Variants in AP2A2 observed in about 807,000 individuals in gnomAD.
The protein encoded by AP2A2 is AP-2 complex subunit alpha-2.
AP2A2 carries 32 observed loss-of-function variants against 104.2 expected under a neutral mutation model. That is an observed-to-expected ratio of 0.31 (90% CI 0.23 to 0.41). The LOEUF (loss-of-function observed/expected upper bound fraction) is 0.41, where lower values mean the gene tolerates loss of function less well. AP2A2 is among the 10% of genes least tolerant of loss of function. The pLI is 1.00. For synonymous variants in AP2A2, 539 were observed against 533.3 expected (o/e 1.01, Z -0.15); for missense variants, 912 against 1,261.0 (o/e 0.72, Z 4.19).
chr11:954,256 T>TTGGATTCCCACCTCACG (rs1185662910), intron 1 of AP2A2, among the ~76,000 whole-genome samples: 2 of 152,164 alleles, frequency 1.3e-5, no homozygotes, highest in Non-Finnish European at 2.9e-5. Flanking sequence ...CCCACCTCAC[T>TTGGATTCCCACCTCACG]TGGATTCCCA....
chr11:955,579 C>T (rs1343617865), intron 1 of AP2A2, among the ~76,000 whole-genome samples: 1 of 152,160 alleles, frequency 6.6e-6, no homozygotes, highest in African/African-American at 2.4e-5. Flanking sequence ...TTAAAGGTCC[C>T]CTGAGGGCAG....
chr11:997,022 A>G (rs1377223535), intron 14 of AP2A2, among the ~76,000 whole-genome samples: 1 of 152,026 alleles, frequency 6.6e-6, no homozygotes, highest in Non-Finnish European at 1.5e-5. Flanking sequence ...AGCCCCAGTG[A>G]GAGGCCCCTC....
chr11:999,465 C>G (rs1855958294), intron 14 of AP2A2, among the ~76,000 whole-genome samples: 1 of 152,130 alleles, frequency 6.6e-6, no homozygotes, highest in African/African-American at 2.4e-5. Context: ...CACCAGTGCA[C>G]TCCAGCCTGG....
At chr11:988,478 C>G in intron 9 of AP2A2, 74 bp from the exon 10 acceptor site, 1 of 1,557,172 alleles carries the variant, frequency 6.4e-7, no homozygotes, top group Admixed American at 1.7e-5. Flanking sequence ...ATGCGGGTGC[C>G]GAGCCTGTCC....
Position 925,908 on chromosome 11 carries a change from G to A in AP2A2, c.-114G>A, listed in dbSNP as rs2034680598. The A allele has an allele frequency of 3.8e-6, 3 of 784,830 alleles. No individual in the cohort carries two copies. The highest frequency in any genetic ancestry group is 4.5e-5 in the Admixed American group (1 of 22,146). 48.6% of individuals were successfully genotyped at this position (784,830 alleles called of 1,614,324 possible). On this transcript the variant is annotated 5_prime_UTR_variant, in exon 1 of 22. Coordinates refer to ENST00000448903, the MANE Select transcript of AP2A2 (RefSeq NM_012305.4). Reference sequence around the variant, plus strand: ...GGGACCCTGAGGCGGCCGTGGTTAGGCGGCTCCCCGGCGGCTCCTCCGCGG... The same window carrying A: ...GGGACCCTGAGGCGGCCGTGGTTAGACGGCTCCCCGGCGGCTCCTCCGCGG...
intron 17 of AP2A2, 200 bp from the exon 18 acceptor site, chr11:1,007,812 G>A: frequency 1.5e-6 from 1 of 665,654 alleles, no homozygotes; most frequent in Non-Finnish European, 2.5e-6. Context: ...CATTCTGGAA[G>A]CGTGAGAAGC....
chr11:993,372 C>A lies in AP2A2; in HGVS notation c.1541C>A (p.Pro514Gln). The A allele has an allele frequency of 6.2e-7, 1 of 1,610,070 alleles. No individual in the cohort carries two copies. Among genetic ancestry groups the A allele is most frequent in the Non-Finnish European group, 8.5e-7 (1 of 1,178,716 alleles). Residue 514 changes from proline (P) to glutamine (Q), a missense_variant, in exon 12 of 22, where the codon CCG (proline) becomes CAG (glutamine). Around this residue, in one of 7 missense-constraint regions of AP2A2, gnomAD observed 137 missense variants for 186.9 expected, o/e 0.73. Transcript: ENST00000448903. This position sits in a 1 kb window ranked among gnomAD's most constrained non-coding sequence, Gnocchi z 8.2. Reference sequence around the variant, plus strand: ...TTTGGAAACTTGATAGCTGGAGACCCGAGATCCAGGTGAGAGGCCCTTTGC... The same window carrying A: ...TTTGGAAACTTGATAGCTGGAGACCAGAGATCCAGGTGAGAGGCCCTTTGC... ...GEFGNLIAGD[P>Q]RSSPLIQFHL... is the part of the protein sequence containing the mutation.
intron 1 of AP2A2, chr11:946,334 T>G (rs1431970958): frequency 6.6e-6 from 1 of 152,184 alleles, no homozygotes. Flanking sequence ...CCTCAGCAAG[T>G]CCCGGCTGCA....
chr11:983,538 A>G (rs567010250), intron 6 of AP2A2, among the ~76,000 whole-genome samples: 20 of 151,794 alleles, frequency 1.3e-4, no homozygotes, highest in African/African-American at 3.6e-4. Flanking sequence ...GCCCGCCACC[A>G]TGCCTGGCTA....
intron 8 of AP2A2, 81 bp from the exon 9 acceptor site, chr11:986,704 C>T: frequency 6.7e-7 from 1 of 1,500,330 alleles, no homozygotes; most frequent in South Asian, 1.3e-5. Context: ...GCCATCTGGA[C>T]CCGTCGGGGA....
At chr11:954,746 T>A (rs1335612750) in intron 1 of AP2A2, among the ~76,000 whole-genome samples, 1 of 152,132 alleles carries the variant, frequency 6.6e-6, no homozygotes, top group Non-Finnish European at 1.5e-5. Context: ...TGTATTTGTG[T>A]GTGTGTGTGT....
chr11:926,111 G>A, intron 1 of AP2A2, 23 bp downstream of exon 1: 1 of 1,257,594 alleles, frequency 8.0e-7, no homozygotes. Context: ...GGCGGCGTGG[G>A]GCCGGGGCCG....
chr11:968,005 T>A lies in AP2A2; in HGVS notation c.137-2164T>A, dbSNP rs184607754. Among the ~76,000 whole-genome samples the A allele has an allele frequency of 1.8e-4, 28 of 152,222 alleles. No homozygotes were observed. The highest frequency in any genetic ancestry group is 6.3e-4 in the African/African-American group (26 of 41,556). ...TGGGTCCTTTCAGGAGGGATAAACT[T>A]CACAGTGGCACCTGCCAGGGGAGCT... is the stretch of plus-strand genomic sequence containing the variant. On this transcript the variant is annotated intron_variant, in intron 2 of 21. Transcript: ENST00000448903. This position sits in a 1 kb window ranked among gnomAD's most constrained non-coding sequence, Gnocchi z 4.2.
At chr11:955,118 A>T (rs1008153890) in intron 1 of AP2A2, among the ~76,000 whole-genome samples, 15 of 152,256 alleles carry the variant, frequency 9.9e-5, no homozygotes, top group African/African-American at 2.9e-4. Context: ...CCAGGGAGAG[A>T]GCGCAAGGTC....
Position 1,008,119 on chromosome 11 carries a change from C to A in AP2A2, c.2404C>A (p.Leu802Ile). Residue 802 changes from leucine to isoleucine, a missense_variant, in exon 18 of 22, where the codon CTC becomes ATC. Coordinates refer to ENST00000448903, the MANE Select transcript of AP2A2 (RefSeq NM_012305.4). ...GTCCGACTTCACGGAGGCGCCAGTC[C>A]TCAACATTCAGTTCAGGTAAGAGCC... Reference protein sequence around the residue: ...CVSDFTEAPVLNIQFRYGGTF... With the variant: ...CVSDFTEAPVINIQFRYGGTF... The A allele has an allele frequency of 6.2e-7, 1 of 1,607,450 alleles. No individual in the cohort carries two copies. The highest frequency in any genetic ancestry group is 1.1e-5 in the South Asian group (1 of 89,872).
At chr11:952,870 G>C (rs999779446) in intron 1 of AP2A2, among the ~76,000 whole-genome samples, 1 of 152,190 alleles carries the variant, frequency 6.6e-6, no homozygotes, top group African/African-American at 2.4e-5. Context: ...CGGTGGGGTG[G>C]TTGAAGTCCT....
At chr11:965,998 G>A (rs1049628271) in intron 2 of AP2A2, among the ~76,000 whole-genome samples, 7 of 152,092 alleles carry the variant, frequency 4.6e-5, no homozygotes, top group African/African-American at 1.7e-4. Context: ...GCACCACCAC[G>A]CCCAGCAAAT....
rs183279506 is a variant in AP2A2, at chr11:972,677, G to C, written c.473+422G>C. Among the ~76,000 whole-genome samples the C allele has an allele frequency of 1.4e-4, 21 of 152,358 alleles. 1 individual carries two copies. The East Asian group carries it at 3.7e-3, about 27-fold the overall frequency. On this transcript the variant is annotated intron_variant, in intron 4 of 21. Coordinates refer to ENST00000448903, the MANE Select transcript of AP2A2 (RefSeq NM_012305.4). ...ATGCCTTGGAGACTCCAGCCTGGGCGACAGAGCGAGACCCTGTCTCCAAAG... is the reference window on the plus strand; with the variant it reads ...ATGCCTTGGAGACTCCAGCCTGGGCCACAGAGCGAGACCCTGTCTCCAAAG...
intron 1 of AP2A2, among the ~76,000 whole-genome samples, chr11:942,854 G>A (rs1853702147): frequency 6.6e-6 from 1 of 152,158 alleles, no homozygotes; most frequent in Non-Finnish European, 1.5e-5. Context: ...GAAGCTGCCT[G>A]GGACCAGCCT....
Sources: gnomAD v4.1 joint callset for allele counts (sites outside exome capture counted in the v4.1 genomes callset) on GRCh38, gnomAD v4.1.1 for gene constraint, gnomAD v4.1.1 regional missense constraint, Gnocchi (gnomAD v3.1) non-coding constraint, MANE v1.5 for transcripts, NCBI Gene and HGNC (gene_info 2026-07-23, HGNC 2026-07-21) for gene names.